Variants in SASH1 observed in about 807,000 individuals in gnomAD.
The protein encoded by SASH1 is SAM and SH3 domain containing 1.
Under a neutral mutation model 125.2 loss-of-function variants are expected in SASH1, and 44 were observed. That is an observed-to-expected ratio of 0.35 (90% CI 0.28 to 0.45). The LOEUF (loss-of-function observed/expected upper bound fraction) is 0.45. Ranked by LOEUF, SASH1 falls within the 20% of genes least tolerant of loss-of-function variation. The pLI is 1.00. For missense variants in SASH1, 1,426 were observed against 1,614.5 expected (o/e 0.88, Z 2.00); for synonymous variants, 639 against 649.1 (o/e 0.98, Z 0.24).
chr6:148,294,101 C>T (rs1322927657), intron 1 of SASH1, among the ~76,000 whole-genome samples: 1 of 152,196 alleles, frequency 6.6e-6, no homozygotes, highest in Non-Finnish European at 1.5e-5. Flanking sequence ...TGGGCTGGCC[C>T]CGCCACCCAA....
the SASH1 span, among the ~76,000 whole-genome samples, chr6:148,238,625 T>TACAC: frequency 7.6e-4 from 114 of 149,558 alleles, no homozygotes; most frequent in South Asian, 1.3e-3. Context: ...TACACACACA[T>TACAC]ACACACACAC....
chr6:148,273,601 G>A (rs909447940), intron 1 of SASH1, among the ~76,000 whole-genome samples: 2 of 149,856 alleles, frequency 1.3e-5, no homozygotes, highest in African/African-American at 2.5e-5. Flanking sequence ...GCCTGACCCT[G>A]TCTCTTAAGA....
Position 148,478,510 on chromosome 6 carries a change from G to A in SASH1, c.627+4288G>A, listed in dbSNP as rs113729606. Among the ~76,000 whole-genome samples the A allele has an allele frequency of 3.6e-3, 554 of 152,298 alleles. 3 individuals are homozygous for A. The highest frequency in any genetic ancestry group is 0.013 in the African/African-American group (535 of 41,558). On this transcript the variant is annotated intron_variant, in intron 7 of 19. Transcript: ENST00000367467. ...AACTGATGGAGATAGAGAGTAGAAT[G>A]ATGGTTACCAGAGCCTGGGGATGGT...
chr6:148,443,909 C>A (rs372156424), intron 4 of SASH1, among the ~76,000 whole-genome samples: 1 of 152,188 alleles, frequency 6.6e-6, no homozygotes, highest in Non-Finnish European at 1.5e-5. Flanking sequence ...GGTGACCTGG[C>A]GAACCAGTTG....
intron 1 of SASH1, among the ~76,000 whole-genome samples, chr6:148,287,698 G>T (rs61471577): frequency 0.42 from 39,339 of 94,550 alleles, 5,307 homozygotes; most frequent in South Asian, 0.5. Context: ...TGTGTGTGGG[G>T]GGGTGGGGGG....
At chr6:148,510,653 A>T (rs940374981) in intron 8 of SASH1, among the ~76,000 whole-genome samples, 7 of 151,928 alleles carry the variant, frequency 4.6e-5, no homozygotes, top group Admixed American at 2.6e-4. Context: ...TATGTTTATA[A>T]ATATAAAAAT....
intron 9 of SASH1, among the ~76,000 whole-genome samples, chr6:148,517,821 G>A (rs1780531748): frequency 1.3e-5 from 2 of 152,212 alleles, no homozygotes; most frequent in African/African-American, 2.4e-5. Context: ...AATGTCCAAA[G>A]CAACTGCTGA....
intron 1 of SASH1, among the ~76,000 whole-genome samples, chr6:148,353,905 C>T (rs1781830919): frequency 6.6e-6 from 1 of 152,148 alleles, no homozygotes; most frequent in African/African-American, 2.4e-5. Flanking sequence ...TACAGTGGTT[C>T]ACTCCTGTAA....
intron 1 of SASH1, among the ~76,000 whole-genome samples, chr6:148,324,045 G>A (rs751190209): frequency 6.7e-5 from 10 of 148,540 alleles, no homozygotes; most frequent in East Asian, 4.2e-4. Context: ...GCTTGAACCC[G>A]GGAGGCGGAG....
chr6:148,247,544 A>G, the SASH1 span, among the ~76,000 whole-genome samples: 1 of 152,086 alleles, frequency 6.6e-6, no homozygotes, highest in Non-Finnish European at 1.5e-5. Context: ...CCTTATGGAG[A>G]CGCCTTTAAC....
intron 16 of SASH1, among the ~76,000 whole-genome samples, chr6:148,537,163 T>C (rs1781896236): frequency 1.3e-5 from 2 of 152,238 alleles, no homozygotes; most frequent in South Asian, 4.1e-4. Context: ...CAGAGGTCTA[T>C]TGAGATCTTT....
At chr6:148,501,032 C>T (rs561364322) in intron 8 of SASH1, among the ~76,000 whole-genome samples, 25 of 152,040 alleles carry the variant, frequency 1.6e-4, no homozygotes, top group Admixed American at 3.9e-4. Flanking sequence ...AGGAGATTAA[C>T]GTTAAGGTTG....
Position 148,513,632 on chromosome 6 carries a change from A to G in SASH1, c.730-692A>G, listed in dbSNP as rs936564368. ...GCATGCTGACTCCCTGCAAAGTGCAATGGGCTGCTGGGGAATATGGACTGT... is the reference window on the plus strand; with the variant it reads ...GCATGCTGACTCCCTGCAAAGTGCAGTGGGCTGCTGGGGAATATGGACTGT... On this transcript the variant is annotated intron_variant, in intron 8 of 19. Coordinates refer to ENST00000367467, the MANE Select transcript of SASH1 (RefSeq NM_015278.5). The G allele has an allele frequency of 3.9e-5, 38 of 985,582 alleles. No individual in the cohort carries two copies. The African/African-American group carries it at 5.8e-4, about 15-fold the overall frequency. 61.1% of individuals were successfully genotyped at this position (985,582 alleles called of 1,614,324 possible).
At chr6:148,217,121 T>C in the SASH1 span, among the ~76,000 whole-genome samples, 199 of 152,284 alleles carry the variant, frequency 1.3e-3, 3 homozygotes, top group East Asian at 0.033. Context: ...TCCTGGGCTA[T>C]AAAGCGCTTA....
chr6:148,465,480 T>G (rs1309963107), intron 4 of SASH1, among the ~76,000 whole-genome samples: 2 of 150,396 alleles, frequency 1.3e-5, no homozygotes, highest in Non-Finnish European at 3.0e-5. Context: ...GGGGTGGAGG[T>G]TGCAGTGAGC....
the SASH1 span, among the ~76,000 whole-genome samples, chr6:148,203,101 ACT>A: frequency 6.0e-3 from 909 of 152,270 alleles, 9 homozygotes; most frequent in African/African-American, 0.02. Context: ...ACTGTGATGG[ACT>A]CTTTGTCCTT....
Position 148,514,458 on chromosome 6 carries a change from TAAAAAAAA to T in SASH1, c.862+23_862+30del, listed in dbSNP as rs10710533. The T allele has an allele frequency of 5.3e-3, 3,001 of 571,142 alleles. No homozygotes were observed. The highest frequency in any genetic ancestry group is 0.019 in the East Asian group (162 of 8,702). 35.4% of individuals were successfully genotyped at this position (571,142 alleles called of 1,614,324 possible). A position where few individuals can be genotyped will look rare whatever the true frequency, so the allele number is the denominator to read the frequency against. ...AAATGAAAAAACCCAGCACTGAAGGTAAAAAAAAAAAAAAAAAAAAAAAAAAAAGGCAG... is the reference window on the plus strand; with the variant it reads ...AAATGAAAAAACCCAGCACTGAAGGTAAAAAAAAAAAAAAAAAAAAGGCAG... On this transcript the variant is annotated splice_donor_5th_base_variant and intron_variant, in intron 9 of 19. Transcript: ENST00000367467.
At chr6:148,206,970 T>C in the SASH1 span, among the ~76,000 whole-genome samples, 2 of 152,138 alleles carry the variant, frequency 1.3e-5, no homozygotes, top group African/African-American at 4.8e-5. Context: ...CTAGCACAAA[T>C]GTGCCCCCTC....
At chr6:148,194,829 C>G in the SASH1 span, among the ~76,000 whole-genome samples, 2 of 152,192 alleles carry the variant, frequency 1.3e-5, no homozygotes, top group African/African-American at 4.8e-5. Flanking sequence ...TGGCGTGAAC[C>G]TAGGAGGCGG....
Sources: allele counts gnomAD v4.1 joint callset (sites outside exome capture counted in the v4.1 genomes callset), GRCh38; gene constraint gnomAD v4.1.1; transcripts MANE v1.5; gene names NCBI Gene and HGNC (gene_info 2026-07-23, HGNC 2026-07-21).